The following XPR1 variants were observed in gnomAD, a reference collection of about 807,000 sequenced individuals.
XPR1 encodes the protein solute carrier family 53 member 1.
A neutral mutation model predicts 87.5 loss-of-function variants in XPR1; 28 were observed. That is an observed-to-expected ratio of 0.32 (90% CI 0.24 to 0.44). The LOEUF is 0.44. Among genes scored for constraint, XPR1 ranks in the 20% least tolerant of loss-of-function variants. XPR1 has a pLI of 1.00. For synonymous variants in XPR1, 300 were observed against 306.1 expected, an observed-to-expected ratio of 0.98 and a Z score of 0.21; for missense variants, 559 against 862.3, an observed-to-expected ratio of 0.65 and a Z score of 4.41.
intron 2 of XPR1, among the ~76,000 whole-genome samples, chr1:180,709,552 T>C (rs766396233): frequency 2.6e-5 from 4 of 152,248 alleles, no homozygotes; most frequent in African/African-American, 4.8e-5. Context: ...TTAGACAGTA[T>C]GTACTCTTGT....
intron 9 of XPR1, among the ~76,000 whole-genome samples, chr1:180,831,879 T>C (rs1431169306): frequency 5.3e-5 from 8 of 152,176 alleles, no homozygotes; most frequent in Non-Finnish European, 7.3e-5. Context: ...GTCTTTATAG[T>C]AGCATGATTT....
At chr1:180,727,120 C>G (rs552279482) in intron 2 of XPR1, among the ~76,000 whole-genome samples, 2 of 152,114 alleles carry the variant, frequency 1.3e-5, no homozygotes, top group East Asian at 3.9e-4. Flanking sequence ...GCCTCAGCCT[C>G]CCAAAGTGCT....
chr1:180,809,704 A>G (rs913956303), intron 6 of XPR1, among the ~76,000 whole-genome samples: 1 of 152,114 alleles, frequency 6.6e-6, no homozygotes, highest in African/African-American at 2.4e-5. Flanking sequence ...TCAGGGAGGA[A>G]TAGGGAATTC....
intron 1 of XPR1, among the ~76,000 whole-genome samples, chr1:180,675,207 C>A (rs1206926743): frequency 6.6e-6 from 1 of 152,058 alleles, no homozygotes; most frequent in African/African-American, 2.4e-5. Flanking sequence ...GTGTCTTTCT[C>A]CAAAGATAAT....
intron 11 of XPR1, among the ~76,000 whole-genome samples, chr1:180,863,284 A>G (rs778805925): frequency 6.6e-6 from 1 of 152,146 alleles, no homozygotes; most frequent in Non-Finnish European, 1.5e-5. Context: ...GTTCTAAAGT[A>G]AAAACAATCC....
At chr1:180,741,897 G>C (rs1030352294) in intron 2 of XPR1, among the ~76,000 whole-genome samples, 1 of 152,168 alleles carries the variant, frequency 6.6e-6, no homozygotes, top group Non-Finnish European at 1.5e-5. Context: ...TTGAGGAATT[G>C]ATCTGTTTTA....
chr1:180,706,266 T>TCC (rs771203162), intron 2 of XPR1, among the ~76,000 whole-genome samples: 2 of 152,190 alleles, frequency 1.3e-5, no homozygotes, highest in African/African-American at 2.4e-5. Flanking sequence ...TCCATAAAAA[T>TCC]ATAGGCTTTG....
At chr1:180,807,451 G>A (rs1375667465) in intron 6 of XPR1, among the ~76,000 whole-genome samples, 1 of 152,166 alleles carries the variant, frequency 6.6e-6, no homozygotes, top group Admixed American at 6.5e-5. Flanking sequence ...AAGCAATGCT[G>A]TTTATAATAT....
chr1:180,817,355 G>T (rs145672765), intron 7 of XPR1, among the ~76,000 whole-genome samples: 1 of 151,988 alleles, frequency 6.6e-6, no homozygotes, highest in African/African-American at 2.4e-5. Flanking sequence ...TATAAAGTCC[G>T]CAATAGTGTA....
intron 2 of XPR1, among the ~76,000 whole-genome samples, chr1:180,690,155 A>G (rs1267943116): frequency 7.2e-6 from 1 of 138,570 alleles, no homozygotes; most frequent in Non-Finnish European, 1.6e-5. Flanking sequence ...GACTCTGTCT[A>G]AAAAAAAAAA....
At chr1:180,759,866 T>C (rs1229560925) in intron 2 of XPR1, among the ~76,000 whole-genome samples, 1 of 152,170 alleles carries the variant, frequency 6.6e-6, no homozygotes, top group Non-Finnish European at 1.5e-5. Flanking sequence ...AAATCCTCAA[T>C]AAAATACTGA....
chr1:180,784,730 T>A (rs182264099), intron 2 of XPR1, among the ~76,000 whole-genome samples: 1 of 152,154 alleles, frequency 6.6e-6, no homozygotes, highest in East Asian at 1.9e-4. Context: ...GCCCTATTGA[T>A]GTATAATTCA....
At chr1:180,647,627 C>T (rs1347093005) in intron 1 of XPR1, among the ~76,000 whole-genome samples, 2 of 152,058 alleles carry the variant, frequency 1.3e-5, no homozygotes, top group African/African-American at 4.8e-5. Flanking sequence ...GGCTGGGCAT[C>T]GTGGCTCACA....
rs770191477 is a variant in XPR1 at position 180,824,773 on chromosome 1, G to T, written c.784G>T (p.Asp262Tyr). Residue 262 changes from aspartate (D) to tyrosine (Y), a missense_variant, in exon 8 of 15, where the codon GAT becomes TAT. Physicochemically the swap from Asp to Tyr is radical, Grantham distance 160 (BLOSUM62 -3). Coordinates refer to ENST00000367590, the MANE Select transcript of XPR1 (RefSeq NM_004736.4). ...VLAAVFKLET[D>Y]RSIWPLIRIY... ...TTCAGCTGTATTTAAACTTGAAACA[G>T]ATAGAAGTATATGGCCCTTGATAAG... 6.2e-6 allele frequency: 10 copies of T among 1,612,356 alleles called. No individual in the cohort carries two copies. The Middle Eastern group carries it at 5.0e-4, about 80-fold the overall frequency.
Position 180,885,073 on chromosome 1 carries a change from C to T in XPR1, c.*1007C>T, listed in dbSNP as rs1264914400. 6.6e-6 allele frequency: 1 copy of T among 152,606 alleles called. No homozygotes were observed. Among genetic ancestry groups the T allele is most frequent in the African/African-American group, 2.4e-5 (1 of 41,434 alleles). 9.5% of individuals were successfully genotyped at this position (152,606 alleles called of 1,614,324 possible). ...ACAGCTGAAGCTATGCCTTATTATG[C>T]ATCCACATGTATGGTCCCTGTAGCG... On this transcript the variant is annotated 3_prime_UTR_variant, in exon 15 of 15. Transcript: ENST00000367590.
At chr1:180,828,013 A>T (rs1650919448) in intron 9 of XPR1, among the ~76,000 whole-genome samples, 1 of 151,802 alleles carries the variant, frequency 6.6e-6, no homozygotes, top group Non-Finnish European at 1.5e-5. Flanking sequence ...AGTAGTTAGG[A>T]CCACAGGTGT....
chr1:180,727,942 T>A (rs1339690803), intron 2 of XPR1, among the ~76,000 whole-genome samples: 1 of 152,232 alleles, frequency 6.6e-6, no homozygotes, highest in Non-Finnish European at 1.5e-5. Flanking sequence ...GCTTCTTTAC[T>A]GCAACCTGTT....
intron 2 of XPR1, among the ~76,000 whole-genome samples, chr1:180,740,406 C>T (rs1381905275): frequency 1.3e-5 from 2 of 151,738 alleles, no homozygotes; most frequent in Admixed American, 6.6e-5. Flanking sequence ...GCTTTTTATG[C>T]GTCAAATCAT....
intron 2 of XPR1, among the ~76,000 whole-genome samples, chr1:180,712,522 G>A (rs775861370): frequency 2.6e-5 from 4 of 152,132 alleles, no homozygotes; most frequent in Admixed American, 2.0e-4. Context: ...TTGTCAAAAC[G>A]TCATGCTGGG....
Sources: gnomAD v4.1 joint callset for allele counts (sites outside exome capture counted in the v4.1 genomes callset) on GRCh38, gnomAD v4.1.1 for gene constraint, MANE v1.5 for transcripts, NCBI Gene and HGNC (gene_info 2026-07-23, HGNC 2026-07-21) for gene names.